Variants in SNRPD3 observed in about 807,000 individuals in gnomAD.
The protein encoded by SNRPD3 is small nuclear ribonucleoprotein Sm D3.
For missense variants in SNRPD3, 73 were observed against 167.5 expected, an observed-to-expected ratio of 0.44 and a Z score of 3.11; for synonymous variants, 66 against 58.4, an observed-to-expected ratio of 1.13 and a Z score of -0.59.
intron 3 of SNRPD3, among the ~76,000 whole-genome samples, chr22:24,571,436 C>G (rs1325721954): frequency 6.6e-6 from 1 of 152,140 alleles, no homozygotes; most frequent in Non-Finnish European, 1.5e-5. Context: ...TCCATCCCCC[C>G]TGTTAAATGC....
In SNRPD3 at chr22:24,563,292, G is replaced by A. The variant is rs946087038; in HGVS notation, c.127-4692G>A. On this transcript the variant is annotated intron_variant, in intron 2 of 3. Coordinates refer to ENST00000215829, the MANE Select transcript of SNRPD3 (RefSeq NM_004175.5). Reference sequence around the variant, plus strand: ...TATGTATATATATGTGTGTGTGTGTGTATATATATATATATTTTTTTTTTT... The same window carrying A: ...TATGTATATATATGTGTGTGTGTGTATATATATATATATATTTTTTTTTTT... 2.7e-3 allele frequency among the ~76,000 whole-genome samples: 339 copies of A among 124,252 alleles called. 1 individual carries two copies. The highest frequency in any genetic ancestry group is 0.012 in the African/African-American group (321 of 27,208). The allele number at this position is 124,252 out of a possible 152,430, so 81.5% of individuals were successfully genotyped here.
chr22:24,568,542 T>C (rs1482918414), intron 3 of SNRPD3, among the ~76,000 whole-genome samples: 1 of 150,988 alleles, frequency 6.6e-6, no homozygotes, highest in Non-Finnish European at 1.5e-5. Flanking sequence ...ATTTTTATTT[T>C]ATTTTTAATT....
At chr22:24,570,425 C>A (rs2330887) in intron 3 of SNRPD3, among the ~76,000 whole-genome samples, 141,886 of 152,204 alleles carry the variant, frequency 0.93, 66,576 homozygotes, top group Non-Finnish European at 0.99. Context: ...TGGCCCATGC[C>A]TGTAATCCTA....
intron 2 of SNRPD3, among the ~76,000 whole-genome samples, chr22:24,566,339 A>G (rs2045196504): frequency 6.6e-6 from 1 of 152,056 alleles, no homozygotes; most frequent in Non-Finnish European, 1.5e-5. Context: ...TGGCTCCATC[A>G]CAGCTCCCTG....
At chr22:24,562,831 A>G (rs1202735353) in intron 2 of SNRPD3, among the ~76,000 whole-genome samples, 1 of 152,226 alleles carries the variant, frequency 6.6e-6, no homozygotes, top group Non-Finnish European at 1.5e-5. Context: ...GTAAACCTGA[A>G]TCTCTCTGTA....
At chr22:24,569,675 G>A (rs2045230855) in intron 3 of SNRPD3, among the ~76,000 whole-genome samples, 1 of 152,114 alleles carries the variant, frequency 6.6e-6, no homozygotes, top group African/African-American at 2.4e-5. Flanking sequence ...ATAAGCACAG[G>A]CCTCCAGAAC....
At chr22:24,568,263 A>G in intron 3 of SNRPD3, 87 bp downstream of exon 3, 1 of 1,053,268 alleles carries the variant, frequency 9.5e-7, no homozygotes, top group Admixed American at 2.4e-5. Context: ...GGAGACAGAG[A>G]GGGTTTGACC....
chr22:24,571,505 G>A (rs532704793), intron 3 of SNRPD3, among the ~76,000 whole-genome samples: 2 of 152,244 alleles, frequency 1.3e-5, no homozygotes, highest in South Asian at 2.1e-4. Context: ...TTGGGAGGCC[G>A]AGGTGGGTGG....
chr22:24,561,089 T>TTTTTTTTTTTTTTTTTTTTTTTA (rs2045138969), intron 2 of SNRPD3, among the ~76,000 whole-genome samples: 1 of 136,632 alleles, frequency 7.3e-6, no homozygotes, highest in Admixed American at 7.2e-5. Flanking sequence ...TTTTTTTTTT[T>TTTTTTTTTTTTTTTTTTTTTTTA]GAGATTAAGC....
At chr22:24,568,705 C>T (rs1048274884) in intron 3 of SNRPD3, among the ~76,000 whole-genome samples, 7 of 145,276 alleles carry the variant, frequency 4.8e-5, no homozygotes, top group South Asian at 2.1e-4. Flanking sequence ...TACAGGCACC[C>T]GCCACTGCGC....
intron 3 of SNRPD3, among the ~76,000 whole-genome samples, chr22:24,570,124 C>G (rs1314243191): frequency 6.6e-6 from 1 of 152,224 alleles, no homozygotes; most frequent in Non-Finnish European, 1.5e-5. Flanking sequence ...TGTCCAGATT[C>G]TTTTTGGCCT....
chr22:24,568,262 G>C lies in SNRPD3; in HGVS notation c.319+86G>C, dbSNP rs1253221528. ...GGCCCTATTACTGCCTGGAGACAGA[G>C]AGGGTTTGACCTCTGCTCTCTCCAC... On this transcript the variant is annotated intron_variant, in intron 3 of 3. Coordinates refer to ENST00000215829, the MANE Select transcript of SNRPD3 (RefSeq NM_004175.5). 6 of 1,074,148 alleles carry C rather than the reference G, an allele frequency of 5.6e-6. No individual in the cohort carries two copies. The African/African-American group carries it at 7.8e-5, about 14-fold the overall frequency. 66.5% of individuals were successfully genotyped at this position (1,074,148 alleles called of 1,614,324 possible).
At chr22:24,569,658 A>G (rs1442450667) in intron 3 of SNRPD3, among the ~76,000 whole-genome samples, 1 of 152,106 alleles carries the variant, frequency 6.6e-6, no homozygotes, top group African/African-American at 2.4e-5. Flanking sequence ...ACCCCCCACT[A>G]TTATTCATAA....
In SNRPD3 at chr22:24,557,862, A is replaced by G. The variant is rs570381921; in HGVS notation, c.126+62A>G. 5.3e-6 allele frequency: 8 copies of G among 1,519,032 alleles called. No individual in the cohort carries two copies. In the Admixed American group the frequency reaches 6.3e-5, roughly 12 times the overall value. The allele number at this position is 1,519,032 out of a possible 1,614,324, so 94.1% of individuals were successfully genotyped here. ...TGGCCCTGTGTCTTGAAGGACAGAA[A>G]AGTGTGTGTTGAGGGTCTCTGGAAA... On this transcript the variant is annotated intron_variant, in intron 2 of 3. Coordinates refer to ENST00000215829, the MANE Select transcript of SNRPD3 (RefSeq NM_004175.5).
At chr22:24,569,718 C>T (rs2045231284) in intron 3 of SNRPD3, among the ~76,000 whole-genome samples, 1 of 152,226 alleles carries the variant, frequency 6.6e-6, no homozygotes, top group Non-Finnish European at 1.5e-5. Flanking sequence ...GTTCTCACGT[C>T]TCACTCCTTG....
In SNRPD3 at chr22:24,572,869, A is replaced by C. The variant is rs933478126; in HGVS notation, c.*892A>C. On this transcript the variant is annotated 3_prime_UTR_variant, in exon 4 of 4. Coordinates refer to ENST00000215829, the MANE Select transcript of SNRPD3 (RefSeq NM_004175.5). ...TTTGTGGAAACAGATTCTTGGGAGC[A>C]TATCAGAGCATCTCAGCATTGATTG... 1 of 152,426 alleles carries C rather than the reference A, an allele frequency of 6.6e-6. No homozygotes were observed. The highest frequency in any genetic ancestry group is 2.4e-5 in the African/African-American group (1 of 41,434). 9.4% of individuals were successfully genotyped at this position (152,426 alleles called of 1,614,324 possible).
At chr22:24,568,778 A>G (rs913625544) in intron 3 of SNRPD3, among the ~76,000 whole-genome samples, 3 of 151,808 alleles carry the variant, frequency 2.0e-5, no homozygotes, top group Non-Finnish European at 4.4e-5. Context: ...GCTGGTCTTG[A>G]ACTCATGACC....
chr22:24,565,722 G>A (rs888351907), intron 2 of SNRPD3, among the ~76,000 whole-genome samples: 4 of 151,982 alleles, frequency 2.6e-5, no homozygotes, highest in South Asian at 2.1e-4. Flanking sequence ...ATACAGTGGC[G>A]TGATTTTGGC....
rs60835175 is a variant in SNRPD3 at position 24,560,428 on chromosome 22, CTTTTTTTTTTTTT to C, written c.126+2654_126+2666del. 4.1e-4 allele frequency among the ~76,000 whole-genome samples: 20 copies of C among 49,090 alleles called. 1 individual carries two copies. Among genetic ancestry groups the C allele is most frequent in the South Asian group, 1.0e-3 (1 of 1,000 alleles). 32.2% of individuals were successfully genotyped at this position (49,090 alleles called of 152,430 possible). ...TGAGCCACCATGCCCAGCTTGCTTG[CTTTTTTTTTTTTT>C]TTTTTTTTTTTTTTTTTTTTTTTTT... On this transcript the variant is annotated intron_variant, in intron 2 of 3. Transcript: ENST00000215829.
Sources: allele counts gnomAD v4.1 joint callset (sites outside exome capture counted in the v4.1 genomes callset), GRCh38; gene constraint gnomAD v4.1.1; transcripts MANE v1.5; gene names NCBI Gene and HGNC (gene_info 2026-07-23, HGNC 2026-07-21).